MIPOL1: variants seen among roughly 807,000 people sequenced by gnomAD.
The protein encoded by MIPOL1 is mirror-image polydactyly gene 1 protein.
In MIPOL1, 57 loss-of-function variants were observed where a neutral mutation model predicts 60.9. The ratio of observed to expected loss-of-function variants is 0.94; its 90% CI spans 0.76 to 1.17. The LOEUF is 1.17. Ranked by LOEUF, MIPOL1 falls within the 50% of genes most tolerant of loss-of-function variation. MIPOL1 has a pLI of 0.00. For missense variants in MIPOL1, 551 were observed against 511.6 expected (o/e 1.08, Z -0.74); for synonymous variants, 179 against 168.8 (o/e 1.06, Z -0.47).
intron 12 of MIPOL1, 67 bp from the exon 13 acceptor site, chr14:37,546,838 C>T (rs1378674423): frequency 2.4e-6 from 3 of 1,253,604 alleles, no homozygotes; most frequent in East Asian, 2.3e-5. Context: ...CCTTTATCAG[C>T]CAGGACATTC....
rs1055415486 is a variant in MIPOL1 at position 37,223,500 on chromosome 14, T to G, written c.-198-23603T>G. Among the ~76,000 whole-genome samples the G allele has an allele frequency of 2.6e-5, 4 of 151,962 alleles. No individual in the cohort carries two copies. The East Asian group carries it at 7.7e-4, about 29-fold the overall frequency. On this transcript the variant is annotated intron_variant, in intron 1 of 12. Transcript: ENST00000684589. ...TATTTTTCAGGATCCTCCTGGGTTT[T>G]TTGTTTGTTTGTTTGTTTTGAGATG...
chr14:37,302,403 A>T (rs2086373364), intron 7 of MIPOL1, among the ~76,000 whole-genome samples: 3 of 150,840 alleles, frequency 2.0e-5, no homozygotes, highest in Non-Finnish European at 3.0e-5. Flanking sequence ...TCATCTGCAT[A>T]TCTTCTTTGG....
intron 1 of MIPOL1, among the ~76,000 whole-genome samples, chr14:37,214,276 A>G (rs903222615): frequency 2.6e-5 from 4 of 152,222 alleles, no homozygotes; most frequent in African/African-American, 9.6e-5. Flanking sequence ...CAACTTTTCA[A>G]GACATAGTAC....
intron 9 of MIPOL1, among the ~76,000 whole-genome samples, chr14:37,316,734 T>G (rs1463691717): frequency 6.6e-6 from 1 of 152,008 alleles, no homozygotes; most frequent in Admixed American, 6.6e-5. Context: ...CCCAGCACTT[T>G]AGGAGGGCAA....
intron 12 of MIPOL1, among the ~76,000 whole-genome samples, chr14:37,518,408 C>T (rs968352912): frequency 6.6e-5 from 10 of 152,116 alleles, no homozygotes; most frequent in African/African-American, 9.7e-5. Flanking sequence ...GATCTCGGCT[C>T]ACCGCAACTT....
intron 1 of MIPOL1, among the ~76,000 whole-genome samples, chr14:37,219,231 C>G (rs1460808730): frequency 1.3e-5 from 2 of 152,184 alleles, no homozygotes; most frequent in Non-Finnish European, 2.9e-5. Context: ...TCTCAGTAAA[C>G]TGACTTAGCA....
At chr14:37,214,675 A>G (rs1226084293) in intron 1 of MIPOL1, among the ~76,000 whole-genome samples, 1 of 152,180 alleles carries the variant, frequency 6.6e-6, no homozygotes, top group Admixed American at 6.5e-5. Flanking sequence ...ATACAGAGAT[A>G]AGAGCTGAAG....
At chr14:37,269,976 C>T (rs369931348) in intron 5 of MIPOL1, among the ~76,000 whole-genome samples, 5 of 151,908 alleles carry the variant, frequency 3.3e-5, no homozygotes, top group East Asian at 1.9e-4. Context: ...TACAGGTGCC[C>T]GCCACCACAC....
At chr14:37,232,601 T>C (rs1363889251) in intron 1 of MIPOL1, among the ~76,000 whole-genome samples, 2 of 152,224 alleles carry the variant, frequency 1.3e-5, no homozygotes, top group Non-Finnish European at 2.9e-5. Context: ...TACCTTTTAA[T>C]ATCCTCTTAC....
intron 7 of MIPOL1, among the ~76,000 whole-genome samples, chr14:37,286,542 C>A (rs1159290752): frequency 1.3e-5 from 2 of 152,140 alleles, no homozygotes; most frequent in Non-Finnish European, 2.9e-5. Context: ...AATGATCAAT[C>A]AGCATACTTA....
chr14:37,292,332 T>A (rs748622283), intron 7 of MIPOL1, among the ~76,000 whole-genome samples: 7 of 152,104 alleles, frequency 4.6e-5, no homozygotes, highest in Non-Finnish European at 1.0e-4. Context: ...TTCTTTTGCA[T>A]GTTTTGTGTT....
At chr14:37,426,083 A>T (rs1256235867) in intron 11 of MIPOL1, among the ~76,000 whole-genome samples, 1 of 152,174 alleles carries the variant, frequency 6.6e-6, no homozygotes, top group Non-Finnish European at 1.5e-5. Context: ...GAGTATATTT[A>T]TGGCTAATTT....
At chr14:37,325,235 T>C (rs1567473626) in intron 9 of MIPOL1, among the ~76,000 whole-genome samples, 1 of 152,132 alleles carries the variant, frequency 6.6e-6, no homozygotes, top group Non-Finnish European at 1.5e-5. Context: ...TGGTTTAAAT[T>C]GTAATAATCT....
intron 3 of MIPOL1, among the ~76,000 whole-genome samples, chr14:37,252,747 A>G (rs917579254): frequency 6.6e-6 from 1 of 151,976 alleles, no homozygotes; most frequent in African/African-American, 2.4e-5. Context: ...AACTAAAACT[A>G]TTCCATGATT....
intron 11 of MIPOL1, among the ~76,000 whole-genome samples, chr14:37,446,930 G>T (rs1051559489): frequency 2.0e-5 from 3 of 151,832 alleles, no homozygotes; most frequent in South Asian, 4.2e-4. Context: ...GTTGTGGGGT[G>T]GGGGGAGTGG....
At chr14:37,487,217 T>C (rs1304506954) in intron 11 of MIPOL1, among the ~76,000 whole-genome samples, 1 of 152,210 alleles carries the variant, frequency 6.6e-6, no homozygotes, top group Non-Finnish European at 1.5e-5. Context: ...CTTTTTGATA[T>C]GCTGCTGGAT....
chr14:37,397,913 G>A (rs944117924), intron 10 of MIPOL1, among the ~76,000 whole-genome samples: 1 of 152,190 alleles, frequency 6.6e-6, no homozygotes, highest in African/African-American at 2.4e-5. Context: ...AGTTGCGAAA[G>A]AAAAGGGCTT....
chr14:37,427,771 C>A (rs923976731), intron 11 of MIPOL1, among the ~76,000 whole-genome samples: 1 of 152,038 alleles, frequency 6.6e-6, no homozygotes, highest in African/African-American at 2.4e-5. Flanking sequence ...TGAAAGTAAA[C>A]AGTATTTCTT....
At chr14:37,402,609 A>G (rs1474888196) in intron 10 of MIPOL1, among the ~76,000 whole-genome samples, 1 of 152,216 alleles carries the variant, frequency 6.6e-6, no homozygotes, top group Admixed American at 6.5e-5. Flanking sequence ...CGTGCAGCCT[A>G]TTGAAAGCAG....
Sources: gnomAD v4.1 joint callset for allele counts (sites outside exome capture counted in the v4.1 genomes callset) on GRCh38, gnomAD v4.1.1 for gene constraint, MANE v1.5 for transcripts, NCBI Gene and HGNC (gene_info 2026-07-23, HGNC 2026-07-21) for gene names.